The following DYTN variants were observed in gnomAD, a reference collection of about 807,000 sequenced individuals.
The protein encoded by DYTN is dystrotelin.
A neutral mutation model predicts 69.6 loss-of-function variants in DYTN; 75 were observed. That is an observed-to-expected ratio of 1.08 (90% confidence interval 0.89 to 1.31). The LOEUF is 1.31. Among genes scored for constraint, DYTN ranks in the 50% most tolerant of loss-of-function variants. DYTN has a pLI of 0.00. For synonymous variants in DYTN, 252 were observed against 249.1 expected, an observed-to-expected ratio of 1.01 and a Z score of -0.11; for missense variants, 726 against 688.4, an observed-to-expected ratio of 1.05 and a Z score of -0.61.
At chr2:206,685,956 T>C (rs1699800868) in intron 9 of DYTN, among the ~76,000 whole-genome samples, 1 of 148,994 alleles carries the variant, frequency 6.7e-6, no homozygotes, top group South Asian at 2.1e-4. Flanking sequence ...TTGAAAAATG[T>C]TATAAAAAGA....
At chr2:206,703,231 G>A (rs1284772709) in intron 5 of DYTN, among the ~76,000 whole-genome samples, 2 of 152,128 alleles carry the variant, frequency 1.3e-5, no homozygotes, top group South Asian at 2.1e-4. Context: ...TTCTCTAGAA[G>A]GAAAATGTCC....
chr2:206,651,908 T>C lies in DYTN; in HGVS notation c.1647A>G (p.Ser549=). ...NLETPSGPES[S]VNMDLYSGAQ... The stretch of plus-strand genomic sequence containing the variant: ...CTCCACTGTACAGGTCCATGTTTAC[T>C]GAAGACTCCGGGCCTGAAATCAACA... The change falls in exon 12 of 12, where the codon TCA becomes TCG. Residue 549 remains serine, a synonymous_variant. Coordinates refer to ENST00000452335, the MANE Select transcript of DYTN (RefSeq NM_001093730.1). 1 of 1,613,106 alleles carries C rather than the reference T, an allele frequency of 6.2e-7. No individual in the cohort carries two copies. The highest frequency in any genetic ancestry group is 2.2e-5 in the East Asian group (1 of 44,876).
chr2:206,712,678 C>T (rs550465949), intron 1 of DYTN, among the ~76,000 whole-genome samples: 34 of 152,294 alleles, frequency 2.2e-4, no homozygotes, highest in East Asian at 1.5e-3. Flanking sequence ...CCCTTAGCCA[C>T]CCAGCATCCA....
intron 11 of DYTN, among the ~76,000 whole-genome samples, chr2:206,656,921 T>C (rs1196927735): frequency 2.0e-5 from 3 of 151,954 alleles, no homozygotes; most frequent in Non-Finnish European, 2.9e-5. Flanking sequence ...TGCCACCACG[T>C]CCGGCTAATT....
intron 9 of DYTN, among the ~76,000 whole-genome samples, chr2:206,675,578 A>G (rs971045237): frequency 2.0e-5 from 3 of 152,096 alleles, no homozygotes; most frequent in African/African-American, 7.2e-5. Context: ...TTTTACTGAG[A>G]GACAGAAAAA....
chr2:206,657,529 C>A (rs928488810), intron 11 of DYTN, among the ~76,000 whole-genome samples: 12 of 152,038 alleles, frequency 7.9e-5, no homozygotes, highest in African/African-American at 2.7e-4. Flanking sequence ...ATACTTGAGT[C>A]TTTTAACTTT....
Position 206,663,339 on chromosome 2 carries a change from C to A in DYTN, c.1197G>T (p.Lys399Asn). The change falls in exon 11 of 12, where the codon AAG becomes AAT. Residue 399 changes from lysine to asparagine, a missense_variant. By Grantham distance (94) the Lys-to-Asn change is moderately conservative (BLOSUM62 0). Transcript: ENST00000452335. Reference sequence around the variant, plus strand: ...CCTTTTCAGTTGAAGAATGGTCAACCTTGTTCCCCACATTTTGAAAGGAAG... The same window carrying A: ...CCTTTTCAGTTGAAGAATGGTCAACATTGTTCCCCACATTTTGAAAGGAAG... ...SSSSFQNVGNKVDHSSTEKVP... is the reference protein window; with the variant it reads ...SSSSFQNVGNNVDHSSTEKVP... The A allele has an allele frequency of 6.2e-7, 1 of 1,613,104 alleles. No individual in the cohort carries two copies. Among genetic ancestry groups the A allele is most frequent in the Non-Finnish European group, 8.5e-7 (1 of 1,179,644 alleles).
At chr2:206,710,882 A>C (rs1700073657) in intron 1 of DYTN, among the ~76,000 whole-genome samples, 1 of 152,234 alleles carries the variant, frequency 6.6e-6, no homozygotes, top group Non-Finnish European at 1.5e-5. Flanking sequence ...TGAAACAAAC[A>C]GGATAAAAAA....
chr2:206,652,742 T>A (rs1349727523), intron 11 of DYTN, among the ~76,000 whole-genome samples: 2 of 152,302 alleles, frequency 1.3e-5, no homozygotes, highest in African/African-American at 4.8e-5. Flanking sequence ...ATGATCTAAC[T>A]TATGTTGAAA....
Position 206,709,196 on chromosome 2 carries a change from C to G in DYTN, c.94+1328G>C, listed in dbSNP as rs571291054. On this transcript the variant is annotated intron_variant, in intron 2 of 11. Coordinates refer to ENST00000452335, the MANE Select transcript of DYTN (RefSeq NM_001093730.1). ...GGCGCGGTGGCTGATGCCTGTAATC[C>G]CAGCACTTTGGGAGGCCACTGTGGG... 2.9e-3 allele frequency among the ~76,000 whole-genome samples: 448 copies of G among 152,148 alleles called. 5 individuals are homozygous for G. The highest frequency in any genetic ancestry group is 0.01 in the African/African-American group (429 of 41,484).
At chr2:206,662,085 T>G (rs996721951) in intron 11 of DYTN, among the ~76,000 whole-genome samples, 1 of 152,224 alleles carries the variant, frequency 6.6e-6, no homozygotes, top group Non-Finnish European at 1.5e-5. Flanking sequence ...TGATCAGTAG[T>G]CTACTCCACA....
intron 9 of DYTN, among the ~76,000 whole-genome samples, chr2:206,673,353 G>A (rs1226376603): frequency 6.6e-6 from 1 of 152,222 alleles, no homozygotes; most frequent in African/African-American, 2.4e-5. Context: ...CTCCTTCTGG[G>A]TTCAAGCGAT....
chr2:206,716,260 G>A (rs1366968189), intron 1 of DYTN, among the ~76,000 whole-genome samples: 1 of 152,180 alleles, frequency 6.6e-6, no homozygotes, highest in Non-Finnish European at 1.5e-5. Flanking sequence ...CTGAGTGCCA[G>A]GCACTGTGTG....
chr2:206,717,112 G>A (rs959912974), intron 1 of DYTN, among the ~76,000 whole-genome samples: 6 of 148,380 alleles, frequency 4.0e-5, no homozygotes, highest in Non-Finnish European at 5.9e-5. Context: ...ACTACCAAAT[G>A]TATCACGCCC....
intron 3 of DYTN, 47 bp downstream of exon 3, chr2:206,707,255 A>G: frequency 1.3e-6 from 2 of 1,577,128 alleles, no homozygotes; most frequent in Non-Finnish European, 1.7e-6. Flanking sequence ...GACCACTGGA[A>G]ACTAAACTTT....
chr2:206,654,231 A>C (rs1334982126), intron 11 of DYTN, among the ~76,000 whole-genome samples: 4 of 152,120 alleles, frequency 2.6e-5, no homozygotes, highest in Non-Finnish European at 5.9e-5. Flanking sequence ...TCCTCGGACA[A>C]CATGAATTTG....
chr2:206,707,212 C>G (rs1235253171), intron 3 of DYTN, 90 bp downstream of exon 3: 1 of 1,474,536 alleles, frequency 6.8e-7, no homozygotes, highest in Non-Finnish European at 9.2e-7. Context: ...TACCAAACCT[C>G]AAGCAAATAT....
At chr2:206,653,531 G>A (rs534182805) in intron 11 of DYTN, among the ~76,000 whole-genome samples, 23 of 152,248 alleles carry the variant, frequency 1.5e-4, no homozygotes, top group Admixed American at 1.2e-3. Context: ...TCTAGTCTTC[G>A]AATAAATCAG....
intron 7 of DYTN, among the ~76,000 whole-genome samples, chr2:206,695,563 T>C (rs987814347): frequency 1.3e-4 from 20 of 151,970 alleles, no homozygotes; most frequent in African/African-American, 4.4e-4. Context: ...GCGGAGAGAG[T>C]CTTGAGACAC....
Sources: gnomAD v4.1 joint callset for allele counts (sites outside exome capture counted in the v4.1 genomes callset) on GRCh38, gnomAD v4.1.1 for gene constraint, MANE v1.5 for transcripts, NCBI Gene and HGNC (gene_info 2026-07-23, HGNC 2026-07-21) for gene names.